TPTE2: variants seen among roughly 807,000 people sequenced by gnomAD.
TPTE2 encodes phosphatidylinositol 3,4,5-trisphosphate 3-phosphatase TPTE2.
A neutral mutation model predicts 78.6 loss-of-function variants in TPTE2; 53 were observed. That is an observed-to-expected ratio of 0.67 (90% confidence interval 0.54 to 0.85). The LOEUF (loss-of-function observed/expected upper bound fraction) is 0.85, where lower values mean the gene tolerates loss of function less well. TPTE2 is among the 40% of genes least tolerant of loss of function. TPTE2 has a pLI of 0.00. For synonymous variants in TPTE2, 175 were observed against 206.2 expected (o/e 0.85, Z 1.30); for missense variants, 461 against 623.0 (o/e 0.74, Z 2.77).
intron 6 of TPTE2, among the ~76,000 whole-genome samples, chr13:19,472,226 A>T (rs369024844): frequency 6.6e-6 from 1 of 151,942 alleles, no homozygotes; most frequent in South Asian, 2.1e-4. Flanking sequence ...TAGGTTTGGG[A>T]CGTTCTGTTA....
intron 1 of TPTE2, among the ~76,000 whole-genome samples, chr13:19,497,761 AC>A: frequency 6.6e-6 from 1 of 151,686 alleles, no homozygotes. Context: ...CTCCAAAGGA[AC>A]GCAGTTCCTC....
At chr13:19,505,572 A>G (rs148837308), upstream of TPTE2, among the ~76,000 whole-genome samples, 5 of 152,166 alleles carry the variant, frequency 3.3e-5, no homozygotes, top group African/African-American at 1.2e-4. Context: ...CCTGCCCAGA[A>G]GATATGACCA....
At chr13:19,521,365 C>A (rs193079905) in intron 1 of TPTE2, among the ~76,000 whole-genome samples, 3,867 of 149,282 alleles carry the variant, frequency 0.026, 132 homozygotes, top group African/African-American at 0.076. Context: ...TTTTTTTCTG[C>A]TTTTTTATCA....
intron 1 of TPTE2, among the ~76,000 whole-genome samples, chr13:19,499,010 T>TA (rs1185782900): frequency 1.3e-5 from 2 of 152,062 alleles, no homozygotes; most frequent in African/African-American, 4.8e-5. Flanking sequence ...TAGTCTCTGA[T>TA]AAAACAGACT....
chr13:19,561,011 C>T, the TPTE2 span: 1 of 1,579,768 alleles, frequency 6.3e-7, no homozygotes, highest in South Asian at 1.2e-5. Flanking sequence ...GGCCACGTCC[C>T]CACAGACCAG....
chr13:19,497,547 C>CCT (rs2137656016), intron 1 of TPTE2, among the ~76,000 whole-genome samples: 1 of 73,984 alleles, frequency 1.4e-5, no homozygotes. Flanking sequence ...CACACTGACA[C>CCT]CTCACATGGC....
intron 1 of TPTE2, among the ~76,000 whole-genome samples, chr13:19,512,886 T>C: frequency 6.6e-6 from 1 of 152,154 alleles, no homozygotes; most frequent in East Asian, 1.9e-4. Context: ...CAGAAAACAC[T>C]TTTGACAAAC....
the TPTE2 span, among the ~76,000 whole-genome samples, chr13:19,553,347 A>C: frequency 4.6e-5 from 7 of 152,246 alleles, no homozygotes; most frequent in African/African-American, 7.2e-5. Context: ...CTGCTGGGAA[A>C]GTAAAATGGT....
chr13:19,437,975 A>C, intron 14 of TPTE2, 117 bp downstream of exon 17: 1 of 1,427,202 alleles, frequency 7.0e-7, no homozygotes, highest in Non-Finnish European at 9.3e-7. Context: ...TGCTTCTCTA[A>C]TTACAATTTT....
chr13:19,464,546 C>T (rs1466954282), intron 9 of TPTE2, 26 bp from the exon 13 acceptor site: 5 of 1,606,226 alleles, frequency 3.1e-6, no homozygotes, highest in Non-Finnish European at 4.3e-6. Context: ...ATCACTATTA[C>T]AAACATTATT....
chr13:19,506,512 C>A (rs531696533), upstream of TPTE2, among the ~76,000 whole-genome samples: 5 of 152,120 alleles, frequency 3.3e-5, no homozygotes, highest in African/African-American at 7.2e-5. Flanking sequence ...GGGTGGCTCT[C>A]TCATAGGTTA....
At chr13:19,519,442 A>C (rs1288829222) in intron 1 of TPTE2, among the ~76,000 whole-genome samples, 1 of 152,168 alleles carries the variant, frequency 6.6e-6, no homozygotes, top group Non-Finnish European at 1.5e-5. Context: ...CTTCCATTTC[A>C]AGTTAATTTT....
At chr13:19,557,774 G>A in the TPTE2 span, among the ~76,000 whole-genome samples, 1 of 151,986 alleles carries the variant, frequency 6.6e-6, no homozygotes, top group Non-Finnish European at 1.5e-5. Context: ...ACTAAGGAAG[G>A]ACATCTTGGA....
At chr13:19,433,797 C>T (rs1773582372) in intron 15 of TPTE2, among the ~76,000 whole-genome samples, 1 of 152,176 alleles carries the variant, frequency 6.6e-6, no homozygotes, top group Non-Finnish European at 1.5e-5. Flanking sequence ...CCCTGTGTTG[C>T]TTTTTCGGTG....
At chr13:19,482,301 AT>A (rs528889173) in intron 4 of TPTE2, among the ~76,000 whole-genome samples, 186 bp downstream of exon 7, 3 of 151,808 alleles carry the variant, frequency 2.0e-5, no homozygotes, top group East Asian at 1.9e-4. Flanking sequence ...AATGGATGGA[AT>A]TTTTTTTTCA....
chr13:19,523,422 G>T (rs968966727), intron 1 of TPTE2, among the ~76,000 whole-genome samples: 3 of 152,020 alleles, frequency 2.0e-5, no homozygotes, highest in Admixed American at 6.6e-5. Flanking sequence ...ATTTTTGAAG[G>T]TTCCTAGCTT....
intron 17 of TPTE2, among the ~76,000 whole-genome samples, chr13:19,428,591 G>A (rs1179736176): frequency 2.6e-5 from 4 of 152,064 alleles, no homozygotes; most frequent in African/African-American, 9.7e-5. Context: ...AGACCAGCCT[G>A]GGCAACATAG....
chr13:19,500,015 C>T (rs1276583782), intron 1 of TPTE2, among the ~76,000 whole-genome samples: 14 of 148,510 alleles, frequency 9.4e-5, no homozygotes, highest in Non-Finnish European at 1.8e-4. Flanking sequence ...GAGAATACTA[C>T]AAACACCTCT....
At chr13:19,494,407 T>C (rs1436393559) in intron 1 of TPTE2, among the ~76,000 whole-genome samples, 2 of 152,148 alleles carry the variant, frequency 1.3e-5, no homozygotes. Flanking sequence ...CTTTTGTTTT[T>C]TCTTTTTTTT....
Sources: allele counts gnomAD v4.1 joint callset (sites outside exome capture counted in the v4.1 genomes callset), GRCh38; gene constraint gnomAD v4.1.1; transcripts MANE v1.5; gene names NCBI Gene and HGNC (gene_info 2026-07-23, HGNC 2026-07-21).